Variants in FAM120A observed in about 807,000 individuals in gnomAD.
FAM120A encodes family with sequence similarity 120 member A, also known as constitutive coactivator of PPAR-gamma-like protein 1.
FAM120A carries 15 observed loss-of-function variants against 109.7 expected under a neutral mutation model. The ratio of observed to expected loss-of-function variants is 0.14; its 90% CI spans 0.09 to 0.21. The LOEUF is 0.21. Ranked by LOEUF, FAM120A falls within the 10% of genes least tolerant of loss-of-function variation. The pLI is 1.00. For missense variants in FAM120A, 899 were observed against 1,439.3 expected (o/e 0.62, Z 6.07); for synonymous variants, 493 against 572.8 (o/e 0.86, Z 1.99).
intron 10 of FAM120A, among the ~76,000 whole-genome samples, chr9:93,538,983 A>G (rs1861610464): frequency 2.0e-5 from 3 of 151,180 alleles, no homozygotes; most frequent in African/African-American, 4.9e-5. Context: ...GCCTCCAGTA[A>G]CATGTCAGCC....
chr9:93,475,103 G>A (rs1015140301), intron 2 of FAM120A, among the ~76,000 whole-genome samples: 1 of 152,148 alleles, frequency 6.6e-6, no homozygotes, highest in Non-Finnish European at 1.5e-5. Context: ...TAGAGTATTT[G>A]CATATGCCTA....
intron 1 of FAM120A, among the ~76,000 whole-genome samples, chr9:93,470,748 G>A (rs534503873): frequency 6.6e-6 from 1 of 152,208 alleles, no homozygotes; most frequent in South Asian, 2.1e-4. Context: ...TTGACAGTGG[G>A]TGGCTTCTTT....
chr9:93,491,208 A>T (rs1196144427), intron 3 of FAM120A, among the ~76,000 whole-genome samples: 5 of 152,210 alleles, frequency 3.3e-5, no homozygotes, highest in Non-Finnish European at 7.3e-5. Context: ...CCACTGACCC[A>T]ACCCCAAGAT....
intron 3 of FAM120A, among the ~76,000 whole-genome samples, chr9:93,492,056 T>G (rs1355623920): frequency 3.9e-5 from 6 of 152,140 alleles, no homozygotes; most frequent in Non-Finnish European, 7.4e-5. Context: ...CAGGGAAAGT[T>G]TAGCAACACT....
chr9:93,476,186 C>A, intron 2 of FAM120A, 70 bp from the exon 3 acceptor site: 1 of 1,013,326 alleles, frequency 9.9e-7, no homozygotes, highest in Non-Finnish European at 1.5e-6. Flanking sequence ...TGACAATATG[C>A]AGCACTTTTG....
At chr9:93,496,755 G>C (rs913653556) in intron 3 of FAM120A, among the ~76,000 whole-genome samples, 1 of 152,210 alleles carries the variant, frequency 6.6e-6, no homozygotes, top group African/African-American at 2.4e-5. Flanking sequence ...GGACAGCTTT[G>C]GGAGGTCATT....
In FAM120A at chr9:93,532,428, G is replaced by T; in HGVS notation, c.1909+99G>T. 1 of 1,387,394 alleles carries T rather than the reference G, an allele frequency of 7.2e-7. No individual in the cohort carries two copies. The highest frequency in any genetic ancestry group is 1.0e-6 in the Non-Finnish European group (1 of 981,272). 85.9% of individuals were successfully genotyped at this position (1,387,394 alleles called of 1,614,324 possible). A position where few individuals can be genotyped will look rare whatever the true frequency, so the allele number is the denominator to read the frequency against. ...GAAGAATCATGACTGAGTTGACCCC[G>T]AGTGCCTCTGTGTAAAGGAGGTGGG... On this transcript the variant is annotated intron_variant, in intron 10 of 17. Transcript: ENST00000277165. The surrounding 1 kb of genome is among the most constrained non-coding windows in gnomAD (Gnocchi z 4.3).
intron 7 of FAM120A, among the ~76,000 whole-genome samples, chr9:93,522,707 A>G (rs749700285): frequency 6.6e-6 from 1 of 152,172 alleles, no homozygotes; most frequent in East Asian, 1.9e-4. Flanking sequence ...TTATGTATGT[A>G]TCTTAGGAGA....
chr9:93,536,203 G>A (rs1861509480), intron 10 of FAM120A, among the ~76,000 whole-genome samples: 1 of 152,212 alleles, frequency 6.6e-6, no homozygotes, highest in African/African-American at 2.4e-5. Flanking sequence ...ACCACATGGA[G>A]GTTGAATGAA....
chr9:93,564,032 G>C (rs1228810897), intron 17 of FAM120A, among the ~76,000 whole-genome samples, 197 bp from the exon 18 acceptor site: 1 of 152,210 alleles, frequency 6.6e-6, no homozygotes, highest in East Asian at 1.9e-4. Flanking sequence ...TTGAGGGAAG[G>C]GGCCATGGAG....
intron 12 of FAM120A, among the ~76,000 whole-genome samples, chr9:93,551,887 A>G (rs1215021686): frequency 6.6e-6 from 1 of 152,182 alleles, no homozygotes; most frequent in South Asian, 2.1e-4. Flanking sequence ...AGAAATTATT[A>G]TTTTTAATGT....
intron 8 of FAM120A, among the ~76,000 whole-genome samples, chr9:93,528,663 C>T (rs978996273): frequency 2.6e-5 from 4 of 152,176 alleles, no homozygotes; most frequent in Admixed American, 2.6e-4. Context: ...GGACCTCTTT[C>T]TATGTCATTA....
intron 10 of FAM120A, among the ~76,000 whole-genome samples, chr9:93,540,300 T>G (rs1346544208): frequency 6.6e-6 from 1 of 152,210 alleles, no homozygotes; most frequent in Non-Finnish European, 1.5e-5. Flanking sequence ...CTCTAACTAT[T>G]AGAGATGAGC....
intron 5 of FAM120A, among the ~76,000 whole-genome samples, chr9:93,510,150 A>C (rs1860245739): frequency 6.6e-6 from 1 of 152,166 alleles, no homozygotes. Flanking sequence ...CCAAGTAGAA[A>C]ATTGGATTCT....
Position 93,558,670 on chromosome 9 carries a change from G to A in FAM120A, c.2758G>A (p.Gly920Arg), listed in dbSNP as rs759653517. ...TGTGGCGGCAGCATCGGGACACTGC[G>A]GAGCCTTCTCAGGCAGTGACAGCAG... is the stretch of plus-strand genomic sequence containing the variant. ...FRVAAASGHC[G>R]AFSGSDSSRT... The change falls in exon 15 of 18, where the codon GGA (glycine) becomes AGA (arginine). Residue 920 changes from glycine to arginine, a missense_variant. Gly to Arg is a moderately radical substitution (Grantham distance 125, BLOSUM62 -2). Coordinates refer to ENST00000277165, the MANE Select transcript of FAM120A (RefSeq NM_014612.5). 4.3e-6 allele frequency: 7 copies of A among 1,614,114 alleles called. No homozygotes were observed. The highest frequency in any genetic ancestry group is 4.2e-6 in the Non-Finnish European group (5 of 1,180,016).
chr9:93,545,483 C>T (rs1325934353), intron 11 of FAM120A, among the ~76,000 whole-genome samples: 1 of 152,180 alleles, frequency 6.6e-6, no homozygotes, highest in Non-Finnish European at 1.5e-5. Context: ...GTCAGGATCC[C>T]TGTGTGGTGC....
chr9:93,519,202 T>TA (rs1860738772), intron 7 of FAM120A, among the ~76,000 whole-genome samples: 1 of 152,202 alleles, frequency 6.6e-6, no homozygotes, highest in Non-Finnish European at 1.5e-5. Flanking sequence ...ACTCTGGTCT[T>TA]AAAATATATT....
intron 3 of FAM120A, among the ~76,000 whole-genome samples, chr9:93,492,164 T>TTG (rs543047932): frequency 0.011 from 1,631 of 151,064 alleles, 18 homozygotes; most frequent in African/African-American, 0.03. Context: ...TTTATACAGG[T>TTG]TGTGTGTGTG....
intron 11 of FAM120A, among the ~76,000 whole-genome samples, chr9:93,546,517 C>T (rs1038938930): frequency 1.3e-5 from 2 of 152,252 alleles, no homozygotes; most frequent in Admixed American, 6.5e-5. Context: ...GCTGGTGCCT[C>T]GTGGCCTGCT....
Sources: gnomAD v4.1 joint callset for allele counts (sites outside exome capture counted in the v4.1 genomes callset) on GRCh38, gnomAD v4.1.1 for gene constraint, Gnocchi (gnomAD v3.1) non-coding constraint, MANE v1.5 for transcripts, NCBI Gene and HGNC (gene_info 2026-07-23, HGNC 2026-07-21) for gene names.